Variants in DAB1 observed in about 807,000 individuals in gnomAD.
The protein encoded by DAB1 is disabled homolog 1.
A neutral mutation model predicts 64.6 loss-of-function variants in DAB1; 15 were observed. That is an observed-to-expected ratio of 0.23 (90% CI 0.16 to 0.36). DAB1 has a LOEUF of 0.36. DAB1 is among the 10% of genes least tolerant of loss of function. DAB1 has a pLI of 1.00. For synonymous variants in DAB1, 235 were observed against 251.9 expected (o/e 0.93, Z 0.64); for missense variants, 596 against 706.7 (o/e 0.84, Z 1.78).
At chr1:58,440,202 G>A (rs906577251) in intron 3 of DAB1, among the ~76,000 whole-genome samples, 3 of 152,202 alleles carry the variant, frequency 2.0e-5, no homozygotes, top group African/African-American at 2.4e-5. Flanking sequence ...CTTTCATGCC[G>A]GGCTTCACCC....
At chr1:57,884,755 T>C (rs1289104372), upstream of DAB1, among the ~76,000 whole-genome samples, 1 of 152,202 alleles carries the variant, frequency 6.6e-6, no homozygotes, top group Admixed American at 6.5e-5. Flanking sequence ...TGAGGCCTAA[T>C]GGCAGGTGTT....
chr1:58,176,246 T>C (rs960750729), intron 4 of DAB1, among the ~76,000 whole-genome samples: 28 of 152,192 alleles, frequency 1.8e-4, no homozygotes, highest in African/African-American at 6.0e-4. Context: ...ACTATATGCA[T>C]GTAAAAAACA....
chr1:58,252,634 A>T (rs1286380506), intron 4 of DAB1, among the ~76,000 whole-genome samples: 1 of 152,116 alleles, frequency 6.6e-6, no homozygotes, highest in Non-Finnish European at 1.5e-5. Context: ...CTTGCTCCCC[A>T]CTGCTACCAC....
intron 2 of DAB1, among the ~76,000 whole-genome samples, chr1:57,244,859 G>A (rs1668745891): frequency 6.6e-6 from 1 of 152,212 alleles, no homozygotes. Flanking sequence ...AACTAACGTA[G>A]CGTTCTGATA....
At chr1:57,101,123 C>T (rs17115030) in intron 4 of DAB1, among the ~76,000 whole-genome samples, 7,178 of 152,138 alleles carry the variant, frequency 0.047, 339 homozygotes, top group African/African-American at 0.12. Context: ...TCCTTCTTAC[C>T]CCTGGCATGG....
At chr1:57,719,041 C>A (rs1294519925) in intron 6 of DAB1, among the ~76,000 whole-genome samples, 1 of 151,522 alleles carries the variant, frequency 6.6e-6, no homozygotes, top group South Asian at 2.1e-4. Context: ...TATGCATCAA[C>A]AAAAATATAA....
chr1:58,073,358 C>T lies in DAB1; in HGVS notation n.387+77153G>A, dbSNP rs116360282. Among the ~76,000 whole-genome samples, 493 of 152,280 alleles carry T rather than the reference C, an allele frequency of 3.2e-3. 4 individuals are homozygous for T. The highest frequency in any genetic ancestry group is 0.011 in the African/African-American group (446 of 41,532). ...CCCTGGAAAGTCCTCTCTGACTCTACCCACCCTCAATTTCCACTGTGGATG... is the reference window on the plus strand; with the variant it reads ...CCCTGGAAAGTCCTCTCTGACTCTATCCACCCTCAATTTCCACTGTGGATG... On this transcript the variant is annotated intron_variant and non_coding_transcript_variant, in intron 5 of 20. Transcript: ENST00000485760.
At chr1:57,810,052 C>A (rs1651544668) in intron 6 of DAB1, among the ~76,000 whole-genome samples, 1 of 152,152 alleles carries the variant, frequency 6.6e-6, no homozygotes, top group African/African-American at 2.4e-5. Context: ...AAAACCTTCC[C>A]TGATGAGTTT....
chr1:57,201,262 A>G lies in DAB1; in HGVS notation c.68-55833T>C, dbSNP rs544090933. ...ATTCATTCATTCATTGGTATAACAGAAAAAAAAAATCCTGCACTACTATGC... is the reference window on the plus strand; with the variant it reads ...ATTCATTCATTCATTGGTATAACAGGAAAAAAAAATCCTGCACTACTATGC... On this transcript the variant is annotated intron_variant, in intron 2 of 14. Coordinates refer to ENST00000371236, the MANE Select transcript of DAB1 (RefSeq NM_001365792.1). Among the ~76,000 whole-genome samples the G allele has an allele frequency of 6.4e-5, 9 of 141,582 alleles. No individual in the cohort carries two copies. The East Asian group carries it at 1.6e-3, about 25-fold the overall frequency. The allele number at this position is 141,582 out of a possible 152,430, so 92.9% of individuals were successfully genotyped here. A position where few individuals can be genotyped will look rare whatever the true frequency, so the allele number is the denominator to read the frequency against.
chr1:58,152,642 C>T (rs1655005536), intron 4 of DAB1, among the ~76,000 whole-genome samples: 1 of 152,336 alleles, frequency 6.6e-6, no homozygotes, highest in African/African-American at 2.4e-5. Flanking sequence ...ATTGCAACAT[C>T]AGACATATAC....
chr1:57,652,139 T>C (rs902722046), intron 6 of DAB1, among the ~76,000 whole-genome samples: 13 of 152,232 alleles, frequency 8.5e-5, no homozygotes, highest in African/African-American at 1.9e-4. Context: ...TCACAACATA[T>C]GCAATTTCCC....
intron 3 of DAB1, among the ~76,000 whole-genome samples, chr1:58,401,206 C>T (rs112184421): frequency 0.01 from 1,591 of 152,292 alleles, 31 homozygotes; most frequent in African/African-American, 0.036. Context: ...AAGTCCTTCC[C>T]GTGTCCTGGA....
intron 5 of DAB1, among the ~76,000 whole-genome samples, chr1:58,010,764 G>A (rs143664279): frequency 1.1e-4 from 16 of 152,276 alleles, no homozygotes; most frequent in Non-Finnish European, 2.2e-4. Flanking sequence ...GCTCTTACCT[G>A]TACTCCATGC....
intron 4 of DAB1, among the ~76,000 whole-genome samples, chr1:58,253,788 G>A (rs1264943173): frequency 6.6e-6 from 1 of 152,056 alleles, no homozygotes; most frequent in Non-Finnish European, 1.5e-5. Flanking sequence ...ATCCTTCTAC[G>A]CTCTGTACCA....
At chr1:58,053,103 T>A (rs956576084) in intron 5 of DAB1, among the ~76,000 whole-genome samples, 1 of 152,206 alleles carries the variant, frequency 6.6e-6, no homozygotes, top group African/African-American at 2.4e-5. Context: ...TGGCTTAATC[T>A]ATTCATGAGG....
intron 4 of DAB1, among the ~76,000 whole-genome samples, chr1:58,309,128 A>G (rs1397823929): frequency 6.6e-6 from 1 of 152,162 alleles, no homozygotes; most frequent in Non-Finnish European, 1.5e-5. Flanking sequence ...AATGCGGATG[A>G]TATTGTTTCT....
intron 5 of DAB1, among the ~76,000 whole-genome samples, chr1:57,940,323 T>C (rs937997216): frequency 1.1e-4 from 16 of 152,188 alleles, no homozygotes; most frequent in African/African-American, 3.9e-4. Flanking sequence ...TCAAGGAAGA[T>C]ACAGTTTTTG....
At chr1:58,224,715 G>A (rs1231591413) in intron 4 of DAB1, among the ~76,000 whole-genome samples, 3 of 152,028 alleles carry the variant, frequency 2.0e-5, no homozygotes, top group Admixed American at 6.6e-5. Context: ...AAAACCTGAG[G>A]CTCCCTATTT....
intron 6 of DAB1, among the ~76,000 whole-genome samples, chr1:57,672,848 A>T (rs184470305): frequency 6.6e-6 from 1 of 152,236 alleles, no homozygotes; most frequent in Admixed American, 6.6e-5. Context: ...CATGGACCAC[A>T]TCTATATCTC....
Sources: gnomAD v4.1 joint callset for allele counts (sites outside exome capture counted in the v4.1 genomes callset) on GRCh38, gnomAD v4.1.1 for gene constraint, MANE v1.5 for transcripts, NCBI Gene and HGNC (gene_info 2026-07-23, HGNC 2026-07-21) for gene names.